Variants in PTPN3 observed in about 807,000 individuals in gnomAD.
The protein encoded by PTPN3 is protein tyrosine phosphatase non-receptor type 3, also known as tyrosine-protein phosphatase non-receptor type 3.
In PTPN3, 96 loss-of-function variants were observed where a neutral mutation model predicts 132.7. The ratio of observed to expected loss-of-function variants is 0.72; its 90% CI spans 0.61 to 0.86. The LOEUF is 0.86. Ranked by LOEUF, PTPN3 falls within the 40% of genes least tolerant of loss-of-function variation. PTPN3 has a pLI of 0.00. For synonymous variants in PTPN3, 398 were observed against 429.0 expected (o/e 0.93, Z 0.89); for missense variants, 1,125 against 1,159.6 (o/e 0.97, Z 0.43).
At chr9:109,450,310 CTA>C (rs1365500078) in intron 5 of PTPN3, 2 of 985,222 alleles carry the variant, frequency 2.0e-6, no homozygotes, top group East Asian at 1.1e-4. Flanking sequence ...TAGTTTGTTT[CTA>C]TGTTTATCCA....
intron 5 of PTPN3, chr9:109,450,489 G>C (rs1323222903): frequency 1.0e-6 from 1 of 984,276 alleles, no homozygotes; most frequent in Non-Finnish European, 1.2e-6. Context: ...GATAAACGTG[G>C]AGATCACCAC....
chr9:109,399,296 G>C (rs983346795), intron 19 of PTPN3, among the ~76,000 whole-genome samples: 1 of 152,156 alleles, frequency 6.6e-6, no homozygotes, highest in East Asian at 1.9e-4. Flanking sequence ...CAAAGTGTTG[G>C]TATTACAAGC....
intron 1 of PTPN3, among the ~76,000 whole-genome samples, chr9:109,464,061 C>G (rs1845979396): frequency 6.6e-6 from 1 of 152,080 alleles, no homozygotes; most frequent in Non-Finnish European, 1.5e-5. Flanking sequence ...CAAAGAAATG[C>G]AAATTAAACC....
chr9:109,427,903 G>A (rs575810727), intron 11 of PTPN3, among the ~76,000 whole-genome samples: 3 of 152,336 alleles, frequency 2.0e-5, no homozygotes, highest in African/African-American at 2.4e-5. Flanking sequence ...TCTCGGATTC[G>A]TAATGATCTG....
rs1013041338 is a variant in PTPN3 at position 109,449,058 on chromosome 9, G to A, written c.369-203C>T. 25 of 1,384,440 alleles carry A rather than the reference G, an allele frequency of 1.8e-5. No homozygotes were observed. In the South Asian group the frequency reaches 2.3e-4, roughly 13 times the overall value. 85.8% of individuals were successfully genotyped at this position (1,384,440 alleles called of 1,614,324 possible). A position where few individuals can be genotyped will look rare whatever the true frequency, so the allele number is the denominator to read the frequency against. The stretch of plus-strand genomic sequence containing the variant: ...CTGATGGCTCATGTTGATGCCCTAC[G>A]TCTTGACTGGTGGGGGCAATTTTCT... On this transcript the variant is annotated intron_variant, in intron 5 of 25. Coordinates refer to ENST00000374541, the MANE Select transcript of PTPN3 (RefSeq NM_002829.4).
intron 1 of PTPN3, among the ~76,000 whole-genome samples, chr9:109,468,485 G>C (rs1440373512): frequency 6.6e-6 from 1 of 152,082 alleles, no homozygotes; most frequent in African/African-American, 2.4e-5. Flanking sequence ...TCCTGCCTCA[G>C]CCTCCTGAGC....
chr9:109,536,741 A>C, the PTPN3 span, among the ~76,000 whole-genome samples: 2 of 152,156 alleles, frequency 1.3e-5, no homozygotes, highest in Non-Finnish European at 2.9e-5. Context: ...CCTTTGAACA[A>C]AGGGAAAGGA....
chr9:109,474,747 G>C (rs1846561141), intron 1 of PTPN3, among the ~76,000 whole-genome samples: 1 of 152,152 alleles, frequency 6.6e-6, no homozygotes, highest in Non-Finnish European at 1.5e-5. Context: ...AAAAATCCAA[G>C]GGGCTGTCAC....
intron 22 of PTPN3, among the ~76,000 whole-genome samples, chr9:109,386,469 G>A (rs1190886077): frequency 3.3e-5 from 5 of 152,174 alleles, no homozygotes; most frequent in East Asian, 1.9e-4. Context: ...AGGTGCTCTC[G>A]AATCGGTGTT....
At chr9:109,393,454 C>T (rs551372965) in intron 19 of PTPN3, among the ~76,000 whole-genome samples, 9 of 144,466 alleles carry the variant, frequency 6.2e-5, no homozygotes, top group East Asian at 2.0e-4. Flanking sequence ...GGTGCGATCT[C>T]GGCTCACTGT....
At chr9:109,407,666 T>G (rs914747328) in intron 17 of PTPN3, among the ~76,000 whole-genome samples, 1 of 152,156 alleles carries the variant, frequency 6.6e-6, no homozygotes, top group Non-Finnish European at 1.5e-5. Flanking sequence ...TGCCTCAGCC[T>G]CCTGAGTAGC....
chr9:109,494,143 C>G (rs1406365366), intron 1 of PTPN3, among the ~76,000 whole-genome samples: 1 of 152,196 alleles, frequency 6.6e-6, no homozygotes, highest in Non-Finnish European at 1.5e-5. Flanking sequence ...CAGACCCGAA[C>G]CAGAGCAGGT....
rs1374470431 is a variant in PTPN3, at chr9:109,377,483, A to G, written c.*2073T>C. 1 of 151,876 alleles carries G rather than the reference A, an allele frequency of 6.6e-6. No individual in the cohort carries two copies. Among genetic ancestry groups the G allele is most frequent in the Admixed American group, 6.6e-5 (1 of 15,062 alleles). 9.4% of individuals were successfully genotyped at this position (151,876 alleles called of 1,614,324 possible). On this transcript the variant is annotated 3_prime_UTR_variant, in exon 26 of 26. Transcript: ENST00000374541. ...AAGCCAGGTGAGGTGGCATGTGCCT[A>G]TAGTCCCGGCTACTCAGGAGGCTGA...
At chr9:109,389,086 G>A in intron 22 of PTPN3, 147 bp downstream of exon 22, 2 of 1,012,176 alleles carry the variant, frequency 2.0e-6, no homozygotes, top group Non-Finnish European at 2.7e-6. Flanking sequence ...CACTAGGGGT[G>A]TCTATTGGTT....
chr9:109,501,574 C>A, upstream of PTPN3, among the ~76,000 whole-genome samples: 1 of 152,166 alleles, frequency 6.6e-6, no homozygotes, highest in East Asian at 1.9e-4. Context: ...TCTGGAGTGA[C>A]ATAAGGTTAT....
At chr9:109,420,643 T>A in intron 13 of PTPN3, 43 bp from the exon 14 acceptor site, 1 of 1,560,364 alleles carries the variant, frequency 6.4e-7, no homozygotes, top group Non-Finnish European at 8.7e-7. Context: ...CAAAGCAAAT[T>A]CCACTTAAAA....
chr9:109,466,149 C>T (rs889184664), intron 1 of PTPN3, among the ~76,000 whole-genome samples: 2 of 152,170 alleles, frequency 1.3e-5, no homozygotes, highest in Non-Finnish European at 2.9e-5. Flanking sequence ...TCTGCTTTTG[C>T]TCATTGTACC....
At chr9:109,439,375 T>TA (rs112370993) in intron 7 of PTPN3, among the ~76,000 whole-genome samples, 12 of 151,130 alleles carry the variant, frequency 7.9e-5, no homozygotes, top group South Asian at 2.1e-4. Flanking sequence ...ACTTCATCTT[T>TA]AAAAAAAAAA....
At chr9:109,531,042 C>A in the PTPN3 span, among the ~76,000 whole-genome samples, 1 of 152,162 alleles carries the variant, frequency 6.6e-6, no homozygotes, top group Non-Finnish European at 1.5e-5. Context: ...TTGAAAGTGT[C>A]TTTTAATGCA....
Sources: gnomAD v4.1 joint callset for allele counts (sites outside exome capture counted in the v4.1 genomes callset) on GRCh38, gnomAD v4.1.1 for gene constraint, MANE v1.5 for transcripts, NCBI Gene and HGNC (gene_info 2026-07-23, HGNC 2026-07-21) for gene names.